The following RAB36 variants were observed in gnomAD, a reference collection of about 807,000 sequenced individuals.
RAB36 encodes ras-related protein Rab-36.
A neutral mutation model predicts 39.3 loss-of-function variants in RAB36; 33 were observed. The observed-to-expected ratio is 0.84, with a 90% CI of 0.64 to 1.12. The LOEUF is 1.12. RAB36 is among the 50% of genes most tolerant of loss of function. The pLI is 0.00. For synonymous variants in RAB36, 133 were observed against 140.2 expected, an observed-to-expected ratio of 0.95 and a Z score of 0.36; for missense variants, 308 against 355.3, an observed-to-expected ratio of 0.87 and a Z score of 1.07.
chr22:23,146,011 A>G (rs2070750746), intron 1 of RAB36: 2 of 985,104 alleles, frequency 2.0e-6, no homozygotes, highest in African/African-American at 1.7e-5. Flanking sequence ...GAGCTGTGCC[A>G]TGCCTCACAG....
rs530834347 is a variant in RAB36, at chr22:23,146,527, G to A, written c.-12-78G>A. The A allele has an allele frequency of 2.6e-6, 4 of 1,553,178 alleles. No homozygotes were observed. The African/African-American group carries it at 5.4e-5, about 21-fold the overall frequency. The stretch of plus-strand genomic sequence containing the variant: ...GCACCCAGCCTGGATCTGATGAAAA[G>A]TTAGGTGGAAACTCATGGGTGAATC... On this transcript the variant is annotated intron_variant, in intron 1 of 10. Coordinates refer to ENST00000263116, the MANE Select transcript of RAB36 (RefSeq NM_004914.5).
chr22:23,153,470 G>A (rs2071279218), intron 5 of RAB36: 1 of 673,104 alleles, frequency 1.5e-6, no homozygotes, highest in Non-Finnish European at 1.8e-6. Context: ...CACTCACCAG[G>A]CCAGCAGGGT....
At chr22:23,145,574 T>C in intron 1 of RAB36, 23 bp downstream of exon 1, 1 of 1,589,142 alleles carries the variant, frequency 6.3e-7, no homozygotes, top group Non-Finnish European at 8.5e-7. Context: ...GCCCACTCTG[T>C]CCGACCCTCC....
intron 1 of RAB36, 40 bp downstream of exon 1, chr22:23,145,591 C>T: frequency 6.4e-7 from 1 of 1,572,134 alleles, no homozygotes; most frequent in Non-Finnish European, 8.6e-7. Context: ...CTCCCGGTCA[C>T]CCAACCCCGT....
downstream of RAB36, among the ~76,000 whole-genome samples, chr22:23,166,649 C>T (rs2072056999): frequency 6.6e-6 from 1 of 152,160 alleles, no homozygotes; most frequent in Non-Finnish European, 1.5e-5. Flanking sequence ...GCTGCATCCC[C>T]AGCACCAGCC....
chr22:23,145,977 C>T (rs2070749436), intron 1 of RAB36: 1 of 985,294 alleles, frequency 1.0e-6, no homozygotes, highest in Non-Finnish European at 1.2e-6. Context: ...CAGGAGACCC[C>T]TCCCCACTCT....
At position 23,163,612 on chromosome 22, in the gene RAB36, C is replaced by CCCCCT; in HGVS notation, c.*2052_*2053insTCCCC. The CCCCCT allele has an allele frequency of 6.8e-6, 1 of 147,652 alleles. No homozygotes were observed. Among genetic ancestry groups the CCCCCT allele is most frequent in the African/African-American group, 2.4e-5 (1 of 40,822 alleles). The allele number at this position is 147,652 out of a possible 1,614,324, so 9.1% of individuals were successfully genotyped here. A position where few individuals can be genotyped will look rare whatever the true frequency, so the allele number is the denominator to read the frequency against. On this transcript the variant is annotated 3_prime_UTR_variant, in exon 11 of 11. Transcript: ENST00000263116. ...TATAAAATACAAGGTGAAAGCCCCC[C>CCCCCT]CCCCGCCACATTAGCTGCGCCCCTG...
intron 7 of RAB36, 32 bp from the exon 8 acceptor site, chr22:23,158,866 T>C (rs754976180): frequency 6.3e-7 from 1 of 1,596,930 alleles, no homozygotes; most frequent in South Asian, 1.1e-5. Context: ...GGAGGATGGG[T>C]GAATCTCTCA....
chr22:23,160,925 C>T lies in RAB36; in HGVS notation c.666C>T (p.Phe222=), dbSNP rs139976520. 202 of 1,613,820 alleles carry T rather than the reference C, an allele frequency of 1.3e-4. 1 individual carries two copies. Among genetic ancestry groups the T allele is most frequent in the East Asian group, 9.4e-4 (42 of 44,888 alleles). Residue 222 remains phenylalanine, a synonymous_variant, in exon 10 of 11, where the codon TTC becomes TTT. Coordinates refer to ENST00000263116, the MANE Select transcript of RAB36 (RefSeq NM_004914.5). Reference sequence around the variant, plus strand: ...TCAGCCGCGTAGCCGCCCTGGCATTCGAGCAGTCGGTGCTGCAGGACCTGG... The same window carrying T: ...TCAGCCGCGTAGCCGCCCTGGCATTTGAGCAGTCGGTGCTGCAGGACCTGG... ...AFFSRVAALA[F]EQSVLQDLER... is the part of the protein sequence containing the mutation.
intron 2 of RAB36, among the ~76,000 whole-genome samples, chr22:23,148,313 G>C (rs538664731): frequency 1.8e-4 from 27 of 152,336 alleles, no homozygotes; most frequent in Non-Finnish European, 3.5e-4. Flanking sequence ...GGTAACTAGG[G>C]ATGACAGAGA....
At position 23,163,637 on chromosome 22, in the gene RAB36, G is replaced by C. The variant is rs1449742674; in HGVS notation, c.*2073G>C. 3 of 131,588 alleles carry C rather than the reference G, an allele frequency of 2.3e-5. No homozygotes were observed. The highest frequency in any genetic ancestry group is 8.0e-5 in the African/African-American group (3 of 37,318). 8.2% of individuals were successfully genotyped at this position (131,588 alleles called of 1,614,324 possible). A position where few individuals can be genotyped will look rare whatever the true frequency, so the allele number is the denominator to read the frequency against. ...CCCCCGCCACATTAGCTGCGCCCCT[G>C]AAGTGTCTCCAGCAGAAGAGATGGA... On this transcript the variant is annotated 3_prime_UTR_variant, in exon 11 of 11. Coordinates refer to ENST00000263116, the MANE Select transcript of RAB36 (RefSeq NM_004914.5).
At chr22:23,159,466 G>A (rs1249474385) in intron 9 of RAB36, among the ~76,000 whole-genome samples, 1 of 152,246 alleles carries the variant, frequency 6.6e-6, no homozygotes, top group Non-Finnish European at 1.5e-5. Context: ...GAAGCTGGGA[G>A]GCCTGCCTCA....
At chr22:23,159,128 C>A (rs199907025) in intron 8 of RAB36, 35 bp from the exon 9 acceptor site, 3 of 1,601,332 alleles carry the variant, frequency 1.9e-6, no homozygotes, top group Non-Finnish European at 2.6e-6. Context: ...GCAGGAGAGC[C>A]GGGACGCTGG....
intron 2 of RAB36, among the ~76,000 whole-genome samples, chr22:23,149,262 T>C (rs1009561952): frequency 3.3e-5 from 5 of 152,150 alleles, no homozygotes; most frequent in Admixed American, 6.5e-5. Flanking sequence ...ATGGTGTCCT[T>C]CTCCCCACAT....
intron 6 of RAB36, among the ~76,000 whole-genome samples, chr22:23,157,757 C>G (rs1419621213): frequency 2.0e-5 from 3 of 152,230 alleles, no homozygotes; most frequent in Non-Finnish European, 2.9e-5. Flanking sequence ...CCTACCTTGT[C>G]CTGCCTCCCT....
In RAB36 at chr22:23,159,183, G is replaced by A; in HGVS notation, c.549G>A (p.Gln183=). The change falls in exon 9 of 11, where the codon CAG becomes CAA. Residue 183 remains glutamine (Q), a synonymous_variant. Transcript: ENST00000263116. The part of the protein sequence containing the change: ...KDLLSGAACE[Q]AEADAVHLAR... The stretch of plus-strand genomic sequence containing the variant: ...CCCAGTCAGGGGCCGCATGTGAGCA[G>A]GCCGAAGCAGACGCTGTGCACCTGG... 3.1e-6 allele frequency: 5 copies of A among 1,611,312 alleles called. No individual in the cohort carries two copies. The highest frequency in any genetic ancestry group is 4.2e-6 in the Non-Finnish European group (5 of 1,179,124).
Position 23,161,531 on chromosome 22 carries a change from G to A in RAB36, c.771G>A (p.Glu257=), listed in dbSNP as rs918497328. The change falls in exon 11 of 11, where the codon GAG becomes GAA. Residue 257 remains glutamate (E), a synonymous_variant. Transcript: ENST00000263116. Reference sequence around the variant, plus strand: ...AAGGGAGTCCGCCCGAGACCCAGGAGAGCAAGAGGCCCTCCAGCCTGGGCT... The same window carrying A: ...AAGGGAGTCCGCCCGAGACCCAGGAAAGCAAGAGGCCCTCCAGCCTGGGCT... ...QMEGSPPETQ[E]SKRPSSLGCC is the part of the protein sequence containing the mutation. The A allele has an allele frequency of 6.2e-7, 1 of 1,612,764 alleles. No individual in the cohort carries two copies. Among genetic ancestry groups the A allele is most frequent in the African/African-American group, 1.3e-5 (1 of 74,938 alleles).
chr22:23,146,382 G>GTTT (rs900607989), intron 1 of RAB36, among the ~76,000 whole-genome samples: 1 of 151,064 alleles, frequency 6.6e-6, no homozygotes, highest in Non-Finnish European at 1.5e-5. Context: ...AATTTTTTTG[G>GTTT]TTTTTTTTTG....
chr22:23,153,535 G>A, intron 5 of RAB36: 1 of 982,094 alleles, frequency 1.0e-6, no homozygotes, highest in Non-Finnish European at 1.2e-6. Context: ...CTGTAAAATG[G>A]GGTCAAATCC....
Sources: allele counts gnomAD v4.1 joint callset (sites outside exome capture counted in the v4.1 genomes callset), GRCh38; gene constraint gnomAD v4.1.1; transcripts MANE v1.5; gene names NCBI Gene and HGNC (gene_info 2026-07-23, HGNC 2026-07-21).